Variants in PSMD1 observed in about 807,000 individuals in gnomAD.
PSMD1 encodes the protein 26S proteasome non-ATPase regulatory subunit 1.
In PSMD1, 18 loss-of-function variants were observed where a neutral mutation model predicts 119.0. That is an observed-to-expected ratio of 0.15 (90% confidence interval 0.10 to 0.22). The LOEUF is 0.22. Ranked by LOEUF, PSMD1 falls within the 10% of genes least tolerant of loss-of-function variation. PSMD1 has a pLI of 1.00. For missense variants in PSMD1, 702 were observed against 1,158.5 expected, an observed-to-expected ratio of 0.61 and a Z score of 5.72; for synonymous variants, 374 against 396.6, an observed-to-expected ratio of 0.94 and a Z score of 0.68.
intron 24 of PSMD1, among the ~76,000 whole-genome samples, chr2:231,172,165 C>T (rs1696928601): frequency 6.6e-6 from 1 of 152,192 alleles, no homozygotes; most frequent in African/African-American, 2.4e-5. Flanking sequence ...TTGCACAGTA[C>T]AGCGTAGGCT....
chr2:231,146,450 G>C, intron 18 of PSMD1, 94 bp downstream of exon 18: 1 of 854,182 alleles, frequency 1.2e-6, no homozygotes, highest in South Asian at 1.5e-5. Context: ...GTTCAAATAT[G>C]GTAAACACTG....
chr2:231,151,803 A>AT (rs57347945), intron 18 of PSMD1, among the ~76,000 whole-genome samples: 1,260 of 95,670 alleles, frequency 0.013, 36 homozygotes, highest in East Asian at 0.032. Flanking sequence ...AAACATGAGA[A>AT]TTTTTTTTTT....
At chr2:231,136,710 A>G (rs894909128) in intron 16 of PSMD1, among the ~76,000 whole-genome samples, 1 of 152,040 alleles carries the variant, frequency 6.6e-6, no homozygotes, top group African/African-American at 2.4e-5. Flanking sequence ...TAGACAAGCC[A>G]GGTGAATTCC....
In PSMD1 at chr2:231,158,569, A is replaced by G. The variant is rs1009752906; in HGVS notation, c.2219-2771A>G. ...TCGAAGTCCGAAGAAGATAGATTTC[A>G]TTGAACTAAAAGGAAATTCAGCTTC... On this transcript the variant is annotated intron_variant, in intron 19 of 24. Coordinates refer to ENST00000308696, the MANE Select transcript of PSMD1 (RefSeq NM_002807.4). Among the ~76,000 whole-genome samples the G allele has an allele frequency of 4.3e-4, 66 of 152,358 alleles. 1 individual carries two copies. Among genetic ancestry groups the G allele is most frequent in the African/African-American group, 1.5e-3 (64 of 41,582 alleles).
Position 231,161,324 on chromosome 2 carries a change from C to A in PSMD1, c.2219-16C>A, listed in dbSNP as rs376246275. ...ACAATACTATTATTGTTCATGGTTT[C>A]TCTCTTTTTCTACAGGTGGTCATAA... is the stretch of plus-strand genomic sequence containing the variant. On this transcript the variant is annotated splice_polypyrimidine_tract_variant and intron_variant, in intron 19 of 24. Coordinates refer to ENST00000308696, the MANE Select transcript of PSMD1 (RefSeq NM_002807.4). The A allele has an allele frequency of 1.9e-6, 3 of 1,579,444 alleles. No individual in the cohort carries two copies. In the African/African-American group the frequency reaches 4.1e-5, roughly 22 times the overall value.
At chr2:231,074,730 T>C (rs971502910) in intron 7 of PSMD1, among the ~76,000 whole-genome samples, 2 of 152,210 alleles carry the variant, frequency 1.3e-5, no homozygotes, top group South Asian at 4.1e-4. Flanking sequence ...TCTAAACTTT[T>C]CCAAAGGAGG....
intron 16 of PSMD1, among the ~76,000 whole-genome samples, chr2:231,127,949 A>G (rs1287849306): frequency 6.6e-6 from 1 of 152,218 alleles, no homozygotes; most frequent in African/African-American, 2.4e-5. Context: ...GTAATAACCA[A>G]AAAAACCTAA....
intron 23 of PSMD1, 22 bp downstream of exon 23, chr2:231,166,039 G>C (rs772306329): frequency 1.2e-6 from 2 of 1,602,976 alleles, no homozygotes; most frequent in African/African-American, 2.7e-5. Context: ...GTGACTCTTA[G>C]CTGTATATAC....
chr2:231,145,894 CAAAAAA>C (rs36124651), intron 17 of PSMD1, among the ~76,000 whole-genome samples: 5 of 46,536 alleles, frequency 1.1e-4, no homozygotes, highest in Non-Finnish European at 1.6e-4. Flanking sequence ...AGCTACATCT[CAAAAAA>C]AAAAAAAAAA....
At chr2:231,065,592 C>T (rs1232852096) in intron 4 of PSMD1, among the ~76,000 whole-genome samples, 1 of 152,158 alleles carries the variant, frequency 6.6e-6, no homozygotes, top group South Asian at 2.1e-4. Flanking sequence ...GGCCACCGCG[C>T]CCGGCCAGGG....
Position 231,062,684 on chromosome 2 carries a change from C to T in PSMD1, c.304+9C>T, listed in dbSNP as rs1168727366. 40 of 1,577,034 alleles carry T rather than the reference C, an allele frequency of 2.5e-5. No individual in the cohort carries two copies. Among genetic ancestry groups the T allele is most frequent in the Non-Finnish European group, 3.3e-5 (38 of 1,161,538 alleles). On this transcript the variant is annotated intron_variant, in intron 4 of 24. Transcript: ENST00000308696. The stretch of plus-strand genomic sequence containing the variant: ...TGTGGAAACTATTATAGGTAATTAT[C>T]GTCTATCTGGTAAGGCTTTATCTTG...
chr2:231,109,324 A>G (rs1695078343), intron 16 of PSMD1: 1 of 1,613,942 alleles, frequency 6.2e-7, no homozygotes, highest in Admixed American at 1.7e-5. Flanking sequence ...AATCGCCAAA[A>G]CGTTCCTTTG....
intron 16 of PSMD1, among the ~76,000 whole-genome samples, chr2:231,090,665 C>G (rs1694568014): frequency 6.6e-6 from 1 of 152,202 alleles, no homozygotes; most frequent in Non-Finnish European, 1.5e-5. Flanking sequence ...GTCACCATTC[C>G]AGATGCCATA....
At chr2:231,073,596 G>T (rs753370481) in intron 7 of PSMD1, among the ~76,000 whole-genome samples, 1 of 152,020 alleles carries the variant, frequency 6.6e-6, no homozygotes, top group South Asian at 2.1e-4. Context: ...TTGAAATCCC[G>T]ATAATATTGA....
chr2:231,136,561 T>C (rs1486490539), intron 16 of PSMD1, among the ~76,000 whole-genome samples: 1 of 152,240 alleles, frequency 6.6e-6, no homozygotes, highest in Non-Finnish European at 1.5e-5. Context: ...TCTTTCTAAA[T>C]CATCATTCCA....
chr2:231,116,239 G>T (rs1214196730), intron 16 of PSMD1, among the ~76,000 whole-genome samples: 2 of 152,134 alleles, frequency 1.3e-5, no homozygotes, highest in Non-Finnish European at 2.9e-5. Flanking sequence ...TTTAGAGTTT[G>T]CAGTGGAAAC....
intron 16 of PSMD1, chr2:231,109,501 G>T: frequency 9.3e-7 from 1 of 1,070,232 alleles, no homozygotes; most frequent in African/African-American, 1.6e-5. Flanking sequence ...ATAACTTTAT[G>T]CTTGTTGGTG....
chr2:231,061,360 C>T (rs781591464), intron 2 of PSMD1, 50 bp downstream of exon 2: 3 of 1,413,352 alleles, frequency 2.1e-6, no homozygotes, highest in Non-Finnish European at 2.0e-6. Flanking sequence ...ACTGTGAAGC[C>T]TTTTGAATTT....
intron 16 of PSMD1, among the ~76,000 whole-genome samples, chr2:231,130,712 T>G (rs1255382506): frequency 6.6e-6 from 1 of 152,210 alleles, no homozygotes. Context: ...TCCTCCTGCC[T>G]CGACTTCCCA....
Sources: gnomAD v4.1 joint callset for allele counts (sites outside exome capture counted in the v4.1 genomes callset) on GRCh38, gnomAD v4.1.1 for gene constraint, MANE v1.5 for transcripts, NCBI Gene and HGNC (gene_info 2026-07-23, HGNC 2026-07-21) for gene names.